Variants in FRMD8 observed in about 807,000 individuals in gnomAD.
FRMD8 encodes FERM domain containing 8.
Under a neutral mutation model 54.2 loss-of-function variants are expected in FRMD8, and 37 were observed. The observed-to-expected ratio is 0.68, with a 90% CI of 0.53 to 0.90. The LOEUF (loss-of-function observed/expected upper bound fraction) is 0.90. Ranked by LOEUF, FRMD8 falls within the 40% of genes least tolerant of loss-of-function variation. FRMD8 has a pLI of 0.00. For missense variants in FRMD8, 585 were observed against 653.7 expected, an observed-to-expected ratio of 0.89 and a Z score of 1.15; for synonymous variants, 246 against 286.9, an observed-to-expected ratio of 0.86 and a Z score of 1.44.
upstream of FRMD8, among the ~76,000 whole-genome samples, chr11:65,386,354 C>CA (rs1293602289): frequency 1.3e-5 from 2 of 152,356 alleles, no homozygotes; most frequent in African/African-American, 4.8e-5. Context: ...CCCGAAGACC[C>CA]AGCGTGGGCA....
chr11:65,384,870 AC>A (rs1261846125), upstream of FRMD8, among the ~76,000 whole-genome samples: 6 of 152,010 alleles, frequency 3.9e-5, no homozygotes, highest in African/African-American at 1.5e-4. Flanking sequence ...GTGCCACCAC[AC>A]CTGGCTAATT....
chr11:65,381,660 T>C, upstream of FRMD8: 1 of 428,808 alleles, frequency 2.3e-6, no homozygotes, highest in Non-Finnish European at 4.3e-6. Context: ...CTTGAACTCC[T>C]GAGCTCAAGC....
At chr11:65,376,848 G>A in the FRMD8 span, 51 of 1,614,106 alleles carry the variant, frequency 3.2e-5, no homozygotes, top group Admixed American at 1.2e-4. Flanking sequence ...GTGTACTGGC[G>A]ACAGAGCCCT....
the FRMD8 span, among the ~76,000 whole-genome samples, chr11:65,370,042 A>C: frequency 6.6e-6 from 1 of 151,180 alleles, no homozygotes; most frequent in African/African-American, 2.4e-5. Context: ...CAAAAAAATA[A>C]ATAAATAAAT....
chr11:65,368,390 TG>T, the FRMD8 span, among the ~76,000 whole-genome samples: 1 of 151,884 alleles, frequency 6.6e-6, no homozygotes, highest in Non-Finnish European at 1.5e-5. Context: ...TTTGTATTTT[TG>T]CAGAGACGGG....
chr11:65,403,222 G>A (rs868573008), intron 9 of FRMD8, among the ~76,000 whole-genome samples: 9 of 151,174 alleles, frequency 6.0e-5, no homozygotes, highest in South Asian at 2.1e-4. Context: ...TCACTCTGTC[G>A]CCCAGGCTGG....
the FRMD8 span, chr11:65,380,251 G>T: frequency 6.2e-7 from 1 of 1,608,174 alleles, no homozygotes; most frequent in African/African-American, 1.3e-5. Flanking sequence ...CAAGAGGAAA[G>T]AGGGGTTCAG....
chr11:65,408,490 G>T (rs1402289968), intron 10 of FRMD8, among the ~76,000 whole-genome samples: 3 of 151,772 alleles, frequency 2.0e-5, no homozygotes, highest in Non-Finnish European at 4.4e-5. Flanking sequence ...TCCTCTGCTT[G>T]TGGGCATTAC....
rs1855739816 is a variant in FRMD8, at chr11:65,386,755, C to G, written c.-7C>G. 2.2e-6 allele frequency: 1 copy of G among 460,950 alleles called. No homozygotes were observed. The highest frequency in any genetic ancestry group is 3.7e-5 in the South Asian group (1 of 26,668). 28.6% of individuals were successfully genotyped at this position (460,950 alleles called of 1,614,324 possible). On this transcript the variant is annotated 5_prime_UTR_variant, in exon 1 of 11. Transcript: ENST00000317568. ...CTCTCAGGTGGCGGGCTCTGCGACC[C>G]TGCGAGGTGAGAGCACAGCGACGTC... is the stretch of plus-strand genomic sequence containing the variant.
At chr11:65,377,458 C>T in the FRMD8 span, 1 of 1,014,480 alleles carries the variant, frequency 9.9e-7, no homozygotes, top group Non-Finnish European at 1.2e-6. Flanking sequence ...AAGGATTCAG[C>T]CTGTGACTGT....
chr11:65,396,686 C>T, intron 6 of FRMD8, 113 bp from the exon 7 acceptor site: 1 of 630,534 alleles, frequency 1.6e-6, no homozygotes, highest in Non-Finnish European at 2.5e-6. Flanking sequence ...CAGCCTCTGA[C>T]TTGGAAGTAG....
chr11:65,393,716 G>T (rs894297426), intron 4 of FRMD8, 42 bp downstream of exon 4: 13 of 1,507,026 alleles, frequency 8.6e-6, no homozygotes, highest in Non-Finnish European at 1.2e-5. Context: ...GGGACCACCT[G>T]AGTCTGCATC....
chr11:65,389,209 G>A (rs1176457310), intron 2 of FRMD8, 152 bp from the exon 3 acceptor site: 4 of 708,222 alleles, frequency 5.6e-6, no homozygotes, highest in African/African-American at 5.3e-5. Flanking sequence ...TGCCTCTGGC[G>A]AGGACTCTGT....
At chr11:65,368,080 T>G in the FRMD8 span, 1 of 129,114 alleles carries the variant, frequency 7.7e-6, no homozygotes, top group Non-Finnish European at 1.6e-5. Context: ...TTTTTTTTTT[T>G]TGTTTTTTTT....
At chr11:65,378,853 G>C in the FRMD8 span, 4 of 155,880 alleles carry the variant, frequency 2.6e-5, no homozygotes, top group Middle Eastern at 6.6e-3. Context: ...CCCAGATGAC[G>C]GCAGTGCCTG....
the FRMD8 span, among the ~76,000 whole-genome samples, chr11:65,373,374 C>T: frequency 7.2e-5 from 11 of 152,184 alleles, no homozygotes; most frequent in Non-Finnish European, 1.3e-4. Context: ...ACTAGGAGTT[C>T]GAGTCTCTTC....
At chr11:65,399,699 G>A (rs769067424) in intron 7 of FRMD8, 37 bp from the exon 8 acceptor site, 138 of 1,607,820 alleles carry the variant, frequency 8.6e-5, no homozygotes, top group Non-Finnish European at 1.1e-4. Context: ...CAGCATTTCT[G>A]GTGCTGGCCG....
rs963098418 is a variant in FRMD8, at chr11:65,396,932, G to A, written c.715G>A (p.Glu239Lys). 2 of 1,547,264 alleles carry A rather than the reference G, an allele frequency of 1.3e-6. No homozygotes were observed. Among genetic ancestry groups the A allele is most frequent in the Non-Finnish European group, 1.7e-6 (2 of 1,145,300 alleles). ...GCTGAACGCCTACCGCCAGGTGCAG[G>A]AGGTCAGCAGCGACGGCGGGTGCGA... ...GLLNAYRQVQ[E>K]VSSDGGCEAA... Residue 239 changes from glutamate to lysine, a missense_variant, in exon 7 of 11, where the codon GAG becomes AAG. Coordinates refer to ENST00000317568, the MANE Select transcript of FRMD8 (RefSeq NM_031904.5).
At chr11:65,380,393 AAGACCCC>A in the FRMD8 span, 1 of 890,316 alleles carries the variant, frequency 1.1e-6, no homozygotes, top group East Asian at 2.7e-5. Flanking sequence ...ACAAGGGACT[AAGACCCC>A]AGGCCCCACC....
Sources: gnomAD v4.1 joint callset for allele counts (sites outside exome capture counted in the v4.1 genomes callset) on GRCh38, gnomAD v4.1.1 for gene constraint, MANE v1.5 for transcripts, NCBI Gene and HGNC (gene_info 2026-07-23, HGNC 2026-07-21) for gene names.